Variants in CEP78 observed in about 807,000 individuals in gnomAD.
The protein encoded by CEP78 is centrosomal protein of 78 kDa.
In CEP78, 76 loss-of-function variants were observed where a neutral mutation model predicts 81.2. The ratio of observed to expected loss-of-function variants is 0.94; its 90% CI spans 0.78 to 1.13. The LOEUF (loss-of-function observed/expected upper bound fraction) is 1.13. CEP78 is among the 50% of genes most tolerant of loss of function. The pLI is 0.00. For synonymous variants in CEP78, 293 were observed against 301.4 expected (o/e 0.97, Z 0.29); for missense variants, 918 against 846.8 (o/e 1.08, Z -1.04).
rs1188633102 is a variant in CEP78 at position 78,275,606 on chromosome 9, C to CAAAAAAAA, written c.*4767_*4774dup. The CAAAAAAAA allele has an allele frequency of 1.5e-5, 1 of 68,162 alleles. No homozygotes were observed. Among genetic ancestry groups the CAAAAAAAA allele is most frequent in the Admixed American group, 1.5e-4 (1 of 6,536 alleles). 4.2% of individuals were successfully genotyped at this position (68,162 alleles called of 1,614,324 possible). ...GGAGACAAGAGGGAAACTCTGTCTC[C>CAAAAAAAA]AAAAAAAAAAAAAAAAAAATACAGT... On this transcript the variant is annotated 3_prime_UTR_variant, in exon 17 of 17. Coordinates refer to ENST00000643273, the MANE Select transcript of CEP78 (RefSeq NM_001330691.3).
chr9:78,266,147 CA>C (rs1168016136), intron 15 of CEP78, among the ~76,000 whole-genome samples: 1 of 151,826 alleles, frequency 6.6e-6, no homozygotes, highest in Non-Finnish European at 1.5e-5. Context: ...ATACTGCTTA[CA>C]TGTGCATAGA....
intron 5 of CEP78, among the ~76,000 whole-genome samples, chr9:78,244,018 G>A (rs557330688): frequency 2.6e-5 from 4 of 151,740 alleles, no homozygotes; most frequent in Admixed American, 2.6e-4. Flanking sequence ...ATTATATTGA[G>A]GCATAATAGT....
At chr9:78,243,832 A>AAT (rs398113574) in intron 5 of CEP78, among the ~76,000 whole-genome samples, 196 bp downstream of exon 5, 1 of 150,942 alleles carries the variant, frequency 6.6e-6, no homozygotes, top group Non-Finnish European at 1.5e-5. Flanking sequence ...AAAAAAAAAA[A>AAT]GTACATATAA....
chr9:78,238,847 A>G (rs1826083734), intron 1 of CEP78, among the ~76,000 whole-genome samples: 4 of 152,184 alleles, frequency 2.6e-5, no homozygotes, highest in South Asian at 2.1e-4. Context: ...CCTGGGCAAC[A>G]TAGTGAGACT....
chr9:78,236,454 G>T lies in CEP78; in HGVS notation c.104G>T (p.Arg35Leu), dbSNP rs756200672. The change falls in exon 1 of 17, where the codon CGC becomes CTC. Residue 35 changes from arginine to leucine, a missense_variant. Arg to Leu is a moderately radical substitution (Grantham distance 102). Coordinates refer to ENST00000643273, the MANE Select transcript of CEP78 (RefSeq NM_001330691.3). ...LQNSVPLPAV[R>L]ACLREGVLDF... ...AACTCGGTGCCGCTGCCCGCCGTGC[G>T]CGCCTGTCTCCGGGAGGGCGTGCTG... 6.9e-6 allele frequency: 11 copies of T among 1,605,160 alleles called. No homozygotes were observed. The highest frequency in any genetic ancestry group is 3.4e-5 in the South Asian group (3 of 89,406).
At chr9:78,237,396 A>G (rs1826007555) in intron 1 of CEP78, among the ~76,000 whole-genome samples, 1 of 152,172 alleles carries the variant, frequency 6.6e-6, no homozygotes, top group African/African-American at 2.4e-5. Context: ...TATTCGGAAA[A>G]TATGTTAGGT....
chr9:78,238,177 G>A (rs1476657741), intron 1 of CEP78, among the ~76,000 whole-genome samples: 1 of 152,080 alleles, frequency 6.6e-6, no homozygotes, highest in African/African-American at 2.4e-5. Context: ...AGAATGGATG[G>A]GCGTGGTGAC....
intron 8 of CEP78, chr9:78,249,887 G>T (rs1350595944): frequency 5.8e-6 from 1 of 171,986 alleles, no homozygotes; most frequent in South Asian, 2.0e-4. Context: ...AAAAAGGTTT[G>T]TGGTGACTTT....
At position 78,254,972 on chromosome 9, in the gene CEP78, G is replaced by A; in HGVS notation, c.1380+8G>A. On this transcript the variant is annotated splice_region_variant and intron_variant, in intron 11 of 16. Transcript: ENST00000643273. ...GAACAAGAAGCATTACAGGTACAAA[G>A]CTATCACTTTAAAGATATGGAGAAG... 1 of 1,602,322 alleles carries A rather than the reference G, an allele frequency of 6.2e-7. No homozygotes were observed. Among genetic ancestry groups the A allele is most frequent in the South Asian group, 1.1e-5 (1 of 89,572 alleles).
rs771190753 is a variant in CEP78 at position 78,265,335 on chromosome 9, A to G, written c.1626-37A>G. The G allele has an allele frequency of 3.9e-6, 6 of 1,521,398 alleles. No homozygotes were observed. The East Asian group carries it at 1.1e-4, about 29-fold the overall frequency. 94.2% of individuals were successfully genotyped at this position (1,521,398 alleles called of 1,614,324 possible). ...TAAGCTGTTCTTATGTGCTTCTAGT[A>G]ATCCTTGCCTTTTCCTCCTTTTCTT... is the stretch of plus-strand genomic sequence containing the variant. On this transcript the variant is annotated intron_variant, in intron 13 of 16. Transcript: ENST00000643273.
intron 9 of CEP78, among the ~76,000 whole-genome samples, chr9:78,252,645 T>G (rs1376165568): frequency 2.0e-5 from 3 of 152,218 alleles, no homozygotes; most frequent in Non-Finnish European, 4.4e-5. Flanking sequence ...ACTTTTAGTA[T>G]TCAAGAAATT....
At chr9:78,254,655 T>C in intron 10 of CEP78, 181 bp from the exon 11 acceptor site, 1 of 309,540 alleles carries the variant, frequency 3.2e-6, no homozygotes, top group South Asian at 7.2e-5. Context: ...ATTATTTCAG[T>C]GACATAGCAA....
intron 11 of CEP78, 34 bp from the exon 12 acceptor site, chr9:78,262,873 T>C: frequency 4.7e-6 from 6 of 1,285,676 alleles, no homozygotes; most frequent in Non-Finnish European, 6.5e-6. Context: ...TATTGGGAAT[T>C]AATTATAATA....
At chr9:78,253,318 T>C (rs941504139) in intron 10 of CEP78, 41 bp downstream of exon 10, 2 of 878,418 alleles carry the variant, frequency 2.3e-6, no homozygotes, top group Non-Finnish European at 3.8e-6. Flanking sequence ...GGGATTGGAA[T>C]GGGAAGGGTG....
chr9:78,248,739 A>G (rs1011961824), intron 7 of CEP78, 23 bp from the exon 8 acceptor site: 1 of 1,177,720 alleles, frequency 8.5e-7, no homozygotes, highest in Non-Finnish European at 1.2e-6. Context: ...ACTGAAATAT[A>G]GTGTTTATTC....
intron 11 of CEP78, among the ~76,000 whole-genome samples, chr9:78,258,327 A>G (rs528321163): frequency 4.8e-4 from 73 of 152,340 alleles, no homozygotes; most frequent in African/African-American, 1.7e-3. Flanking sequence ...ACAGCTCTGC[A>G]TATAGAACAG....
At position 78,236,513 on chromosome 9, in the gene CEP78, T is replaced by G. The variant is rs764038233; in HGVS notation, c.163T>G (p.Trp55Gly). ...CGCCGACCGCCTCCGCGGGGTGGAC[T>G]GGGCGCCTCTGCTGAGCACCCTCAA... is the stretch of plus-strand genomic sequence containing the variant. ...FNADRLRGVD[W>G]APLLSTLKIN... The change falls in exon 1 of 17, where the codon TGG becomes GGG. Residue 55 changes from tryptophan (W) to glycine (G), a missense_variant. Transcript: ENST00000643273. The G allele has an allele frequency of 6.2e-7, 1 of 1,606,950 alleles. No homozygotes were observed. Among genetic ancestry groups the G allele is most frequent in the Non-Finnish European group, 8.5e-7 (1 of 1,176,730 alleles).
rs752002017 is a variant in CEP78, at chr9:78,236,440, G to C, written c.90G>C (p.Pro30=). ...EYLCALQNSV[P]LPAVRACLRE... The stretch of plus-strand genomic sequence containing the variant: ...TGTGCGCGCTGCAGAACTCGGTGCC[G>C]CTGCCCGCCGTGCGCGCCTGTCTCC... Residue 30 remains proline, a synonymous_variant, in exon 1 of 17, where the codon CCG becomes CCC. Coordinates refer to ENST00000643273, the MANE Select transcript of CEP78 (RefSeq NM_001330691.3). 5 of 1,601,952 alleles carry C rather than the reference G, an allele frequency of 3.1e-6. No homozygotes were observed. Among genetic ancestry groups the C allele is most frequent in the African/African-American group, 1.3e-5 (1 of 74,760 alleles).
chr9:78,266,967 T>C, intron 16 of CEP78: 1 of 1,405,916 alleles, frequency 7.1e-7, no homozygotes, highest in Non-Finnish European at 9.2e-7. Context: ...TGATTTTGAA[T>C]TTCAAGAAAG....
Sources: gnomAD v4.1 joint callset for allele counts (sites outside exome capture counted in the v4.1 genomes callset) on GRCh38, gnomAD v4.1.1 for gene constraint, MANE v1.5 for transcripts, NCBI Gene and HGNC (gene_info 2026-07-23, HGNC 2026-07-21) for gene names.